EHMT1: variants seen among roughly 807,000 people sequenced by gnomAD.
The protein encoded by EHMT1 is histone-lysine N-methyltransferase EHMT1.
In EHMT1, 15 loss-of-function variants were observed where a neutral mutation model predicts 147.2. The ratio of observed to expected loss-of-function variants is 0.10; its 90% CI spans 0.07 to 0.16. The LOEUF (loss-of-function observed/expected upper bound fraction) is 0.16. Ranked by LOEUF, EHMT1 falls within the 10% of genes least tolerant of loss-of-function variation. The pLI, the probability that EHMT1 is intolerant of heterozygous loss-of-function variation, is 1.00. For synonymous variants in EHMT1, 795 were observed against 709.6 expected (o/e 1.12, Z -1.91); for missense variants, 1,587 against 1,772.4 (o/e 0.90, Z 1.88).
At chr9:137,833,823 G>A (rs1470695928) in intron 25 of EHMT1, among the ~76,000 whole-genome samples, 1 of 152,226 alleles carries the variant, frequency 6.6e-6, no homozygotes, top group Non-Finnish European at 1.5e-5. Context: ...GGCAGCCTCC[G>A]CCTGACGGTC....
rs1396352751 is a variant in EHMT1 at position 137,803,660 on chromosome 9, CAT to C, written c.2712+2679_2712+2680del. 2.6e-5 allele frequency among the ~76,000 whole-genome samples: 4 copies of C among 152,114 alleles called. No individual in the cohort carries two copies. In the East Asian group the frequency reaches 7.7e-4, roughly 29 times the overall value. ...ACCCCTGGGAGTAGAATGGTTAGAA[CAT>C]ATGACAGGTGTCTAGGCTTAACATT... is the stretch of plus-strand genomic sequence containing the variant. On this transcript the variant is annotated intron_variant, in intron 18 of 26. Transcript: ENST00000460843.
At chr9:137,684,222 G>A (rs1017103642) in intron 1 of EHMT1, among the ~76,000 whole-genome samples, 4 of 152,068 alleles carry the variant, frequency 2.6e-5, no homozygotes, top group East Asian at 1.9e-4. Context: ...TTGTAGAGAC[G>A]AGGTTTTGCC....
chr9:137,794,803 C>T (rs1952775511), intron 16 of EHMT1, among the ~76,000 whole-genome samples: 1 of 152,152 alleles, frequency 6.6e-6, no homozygotes, highest in Admixed American at 6.5e-5. Context: ...CAGAATCCTA[C>T]ATCCAGTAAA....
intron 1 of EHMT1, among the ~76,000 whole-genome samples, chr9:137,623,775 A>G (rs1024807440): frequency 6.6e-6 from 1 of 152,184 alleles, no homozygotes; most frequent in Admixed American, 6.5e-5. Context: ...TAGGTTGGAA[A>G]GTCATTTTGA....
intron 4 of EHMT1, among the ~76,000 whole-genome samples, chr9:137,729,411 A>G (rs1171553227): frequency 6.6e-6 from 1 of 151,972 alleles, no homozygotes; most frequent in Non-Finnish European, 1.5e-5. Context: ...ACACGGTGAA[A>G]CCCCGTCTAT....
At chr9:137,762,062 T>C (rs7032719) in intron 9 of EHMT1, among the ~76,000 whole-genome samples, 82,151 of 152,198 alleles carry the variant, frequency 0.54, 25,309 homozygotes, top group African/African-American at 0.84. Flanking sequence ...TGCCTGACCA[T>C]GGCCCTGCTG....
chr9:137,635,562 T>G (rs1268776018), intron 1 of EHMT1, among the ~76,000 whole-genome samples: 1 of 150,718 alleles, frequency 6.6e-6, no homozygotes. Flanking sequence ...GGCTCACGCC[T>G]GTAATCCCAG....
intron 22 of EHMT1, chr9:137,814,890 T>G: frequency 2.6e-6 from 1 of 389,188 alleles, no homozygotes; most frequent in Non-Finnish European, 4.9e-6. Context: ...CCGGGCTGGG[T>G]ACAGGGAGCA....
chr9:137,728,506 T>C lies in EHMT1; in HGVS notation c.800T>C (p.Met267Thr), dbSNP rs1475991080. ...HQSLPQNQCY[M>T]ATTKSQTACL... Reference sequence around the variant, plus strand: ...TCGCTACCTCAGAACCAGTGCTACATGGCCACCACAAAATCACAGACAGGT... The same window carrying C: ...TCGCTACCTCAGAACCAGTGCTACACGGCCACCACAAAATCACAGACAGGT... Residue 267 changes from methionine to threonine, a missense_variant, in exon 4 of 27, where the codon ATG (methionine) becomes ACG (threonine). Met to Thr is a moderately conservative substitution (Grantham distance 81, BLOSUM62 -1). This residue lies in a region of EHMT1 where 810 missense variants were observed against 673.0 expected (regional missense o/e 1.20). Transcript: ENST00000460843. The C allele has an allele frequency of 1.2e-6, 2 of 1,614,162 alleles. No individual in the cohort carries two copies. The highest frequency in any genetic ancestry group is 8.5e-7 in the Non-Finnish European group (1 of 1,180,026).
At chr9:137,722,929 TG>T (rs1337894787) in intron 3 of EHMT1, among the ~76,000 whole-genome samples, 10 of 135,924 alleles carry the variant, frequency 7.4e-5, no homozygotes, top group African/African-American at 2.9e-4. Flanking sequence ...GGGGTGTGTC[TG>T]TGTCTGTGGT....
At chr9:137,634,439 C>A (rs894867976) in intron 1 of EHMT1, among the ~76,000 whole-genome samples, 1 of 152,156 alleles carries the variant, frequency 6.6e-6, no homozygotes, top group African/African-American at 2.4e-5. Flanking sequence ...TTTTGAAAAT[C>A]AGTTGAACAT....
chr9:137,701,857 G>A (rs1197456627), intron 1 of EHMT1, among the ~76,000 whole-genome samples: 4 of 150,782 alleles, frequency 2.7e-5, no homozygotes, highest in African/African-American at 7.4e-5. Context: ...GCAATGGTGC[G>A]ATCTCAGCTC....
intron 16 of EHMT1, among the ~76,000 whole-genome samples, chr9:137,795,432 C>CACAA (rs61017523): frequency 2.3e-5 from 3 of 131,560 alleles, no homozygotes; most frequent in East Asian, 4.1e-4. Context: ...CACACACTCT[C>CACAA]ACACTCACAT....
intron 1 of EHMT1, among the ~76,000 whole-genome samples, chr9:137,710,088 A>G (rs536508976): frequency 6.6e-6 from 1 of 151,282 alleles, no homozygotes; most frequent in South Asian, 2.1e-4. Context: ...CCTGGCTAGG[A>G]GTGTTTTATG....
At chr9:137,819,656 G>A (rs953391409) in intron 25 of EHMT1, among the ~76,000 whole-genome samples, 4 of 145,484 alleles carry the variant, frequency 2.7e-5, no homozygotes, top group Non-Finnish European at 5.9e-5. Flanking sequence ...AGGCTGAGGG[G>A]GGGGGCGCCG....
chr9:137,817,280 G>A, intron 23 of EHMT1, 159 bp from the exon 24 acceptor site: 2 of 794,628 alleles, frequency 2.5e-6, no homozygotes, highest in Non-Finnish European at 2.1e-6. Context: ...GAGAGTGCGA[G>A]ATGCCGTGTC....
intron 1 of EHMT1, among the ~76,000 whole-genome samples, chr9:137,710,318 C>G (rs1210370574): frequency 6.6e-6 from 1 of 152,120 alleles, no homozygotes; most frequent in Non-Finnish European, 1.5e-5. Flanking sequence ...ACTGAAAACA[C>G]AAAAAGCATC....
chr9:137,821,838 AC>A (rs1955446292), intron 25 of EHMT1, among the ~76,000 whole-genome samples: 1 of 151,708 alleles, frequency 6.6e-6, no homozygotes, highest in Admixed American at 6.6e-5. Context: ...TTTCTTAATT[AC>A]CCCCAGTAAT....
chr9:137,733,816 C>A (rs1000226134), intron 4 of EHMT1, among the ~76,000 whole-genome samples: 31 of 152,168 alleles, frequency 2.0e-4, no homozygotes, highest in African/African-American at 7.5e-4. Context: ...TATTCAGAAG[C>A]AACTGTGTAT....
Sources: allele counts gnomAD v4.1 joint callset (sites outside exome capture counted in the v4.1 genomes callset), GRCh38; gene constraint gnomAD v4.1.1; regional missense constraint gnomAD v4.1.1; transcripts MANE v1.5; gene names NCBI Gene and HGNC (gene_info 2026-07-23, HGNC 2026-07-21).